PCCA: variants seen among roughly 807,000 people sequenced by gnomAD.
PCCA encodes propionyl-CoA carboxylase alpha chain, mitochondrial.
In PCCA, 74 loss-of-function variants were observed where a neutral mutation model predicts 101.3. The ratio of observed to expected loss-of-function variants is 0.73; its 90% confidence interval spans 0.61 to 0.89. The LOEUF (loss-of-function observed/expected upper bound fraction) is 0.89, where lower values mean the gene tolerates loss of function less well. Ranked by LOEUF, PCCA falls within the 40% of genes least tolerant of loss-of-function variation. The pLI is 0.00. For missense variants in PCCA, 891 were observed against 907.0 expected, an observed-to-expected ratio of 0.98 and a Z score of 0.23; for synonymous variants, 294 against 313.6, an observed-to-expected ratio of 0.94 and a Z score of 0.66.
chr13:100,417,151 G>A (rs1157744912), intron 19 of PCCA, among the ~76,000 whole-genome samples: 1 of 152,206 alleles, frequency 6.6e-6, no homozygotes, highest in African/African-American at 2.4e-5. Context: ...CCTGTCATGT[G>A]TATTCTAATT....
chr13:100,411,742 C>T lies in PCCA; in HGVS notation c.1747-13891C>T, dbSNP rs537239436. Among the ~76,000 whole-genome samples the T allele has an allele frequency of 7.2e-5, 11 of 152,282 alleles. No individual in the cohort carries two copies. The South Asian group carries it at 2.3e-3, about 32-fold the overall frequency. ...GGCCATCTTTCTTGCTGTGTTCATTCATGGCTGAGAGCAGAGGGAGAGGAA... is the reference window on the plus strand; with the variant it reads ...GGCCATCTTTCTTGCTGTGTTCATTTATGGCTGAGAGCAGAGGGAGAGGAA... On this transcript the variant is annotated intron_variant, in intron 19 of 23. Transcript: ENST00000376285.
chr13:100,396,563 C>T (rs1181727163), intron 19 of PCCA, among the ~76,000 whole-genome samples: 3 of 152,304 alleles, frequency 2.0e-5, no homozygotes, highest in Admixed American at 6.5e-5. Context: ...GCCACAGTGG[C>T]CCAGGCCTGT....
At chr13:100,454,136 A>C (rs968790914) in intron 21 of PCCA, among the ~76,000 whole-genome samples, 21 of 152,084 alleles carry the variant, frequency 1.4e-4, no homozygotes, top group Admixed American at 1.1e-3. Flanking sequence ...AGCTTCCCAA[A>C]GTGCTGGGAT....
Position 100,430,694 on chromosome 13 carries a change from C to G in PCCA, c.1845+4963C>G, listed in dbSNP as rs9557433. On this transcript the variant is annotated intron_variant, in intron 20 of 23. Coordinates refer to ENST00000376285, the MANE Select transcript of PCCA (RefSeq NM_000282.4). ...GATGCTTGTATGAACACCCTACTTC[C>G]TGTTTCCTCTTGACATAGGAGGTTC... Among the ~76,000 whole-genome samples, 645 of 152,268 alleles carry G rather than the reference C, an allele frequency of 4.2e-3. 31 individuals carry two copies. In the East Asian group the frequency reaches 0.095, roughly 22 times the overall value.
intron 21 of PCCA, among the ~76,000 whole-genome samples, chr13:100,475,159 T>G (rs7997932): frequency 0.1 from 15,921 of 152,204 alleles, 1,399 homozygotes; most frequent in African/African-American, 0.24. Context: ...GTGGTCCTCC[T>G]GCTTCAGCCT....
At chr13:100,528,905 G>A (rs1364205184) in intron 23 of PCCA, among the ~76,000 whole-genome samples, 3 of 152,188 alleles carry the variant, frequency 2.0e-5, no homozygotes, top group Admixed American at 6.5e-5. Flanking sequence ...GTGGGGGACC[G>A]AGAACGTGTG....
At chr13:100,111,274 A>C (rs1246210015) in intron 2 of PCCA, among the ~76,000 whole-genome samples, 2 of 137,978 alleles carry the variant, frequency 1.4e-5, no homozygotes, top group Non-Finnish European at 3.0e-5. Flanking sequence ...CTCGTGATCC[A>C]CCCACCTTGG....
chr13:100,237,759 C>T (rs2060886482), intron 8 of PCCA, among the ~76,000 whole-genome samples: 1 of 151,712 alleles, frequency 6.6e-6, no homozygotes. Context: ...ACATAAAGGA[C>T]AATATTTAGA....
At chr13:100,235,386 C>T (rs675342) in intron 7 of PCCA, among the ~76,000 whole-genome samples, 76,686 of 151,720 alleles carry the variant, frequency 0.51, 19,822 homozygotes, top group East Asian at 0.71. Context: ...AATTAACTTT[C>T]ATATTTCTGC....
At chr13:100,494,732 T>C (rs1414511818) in intron 21 of PCCA, among the ~76,000 whole-genome samples, 5 of 152,092 alleles carry the variant, frequency 3.3e-5, no homozygotes, top group Non-Finnish European at 2.9e-5. Context: ...TGACAAGTGC[T>C]TCTTGCCTTA....
chr13:100,407,581 CA>C (rs2077759134), intron 19 of PCCA, among the ~76,000 whole-genome samples: 1 of 152,146 alleles, frequency 6.6e-6, no homozygotes, highest in Non-Finnish European at 1.5e-5. Flanking sequence ...ACAGAAAAAC[CA>C]TATTATACCT....
chr13:100,304,004 T>A (rs1213737679), intron 14 of PCCA, among the ~76,000 whole-genome samples: 1 of 152,248 alleles, frequency 6.6e-6, no homozygotes, highest in African/African-American at 2.4e-5. Flanking sequence ...TCATAATGAT[T>A]ACTCTAGTTG....
rs534361898 is a variant in PCCA, at chr13:100,469,211, C to CAAAAAAAAAAAAAAAAAAAAAAAAA, written c.1899+19922_1899+19923insAAAAAAAAAAAAAAAAAAAAAAAAA. On this transcript the variant is annotated intron_variant, in intron 21 of 23. Transcript: ENST00000376285. ...GGGCAACAAGAGTGAAACTCCGTCT[C>CAAAAAAAAAAAAAAAAAAAAAAAAA]AAAAAAAAAAAAAAAAGAATCCCTT... 1.3e-3 allele frequency among the ~76,000 whole-genome samples: 82 copies of CAAAAAAAAAAAAAAAAAAAAAAAAA among 64,950 alleles called. 4 individuals carry two copies. The highest frequency in any genetic ancestry group is 8.2e-3 in the Middle Eastern group (1 of 122). The allele number at this position is 64,950 out of a possible 152,430, so 42.6% of individuals were successfully genotyped here.
At chr13:100,117,953 A>G (rs1041274422) in intron 4 of PCCA, among the ~76,000 whole-genome samples, 1 of 151,786 alleles carries the variant, frequency 6.6e-6, no homozygotes, top group African/African-American at 2.4e-5. Context: ...TGTCTCTACT[A>G]AAAATACAAA....
chr13:100,220,402 T>A (rs1476717046), intron 7 of PCCA, among the ~76,000 whole-genome samples: 1 of 151,286 alleles, frequency 6.6e-6, no homozygotes. Flanking sequence ...TGGGACCACA[T>A]GTCTGAGCCA....
At chr13:100,477,937 A>C (rs2083543865) in intron 21 of PCCA, among the ~76,000 whole-genome samples, 1 of 152,200 alleles carries the variant, frequency 6.6e-6, no homozygotes, top group Admixed American at 6.5e-5. Context: ...GCACCTGACA[A>C]GGCCTGTGGC....
At chr13:100,103,118 T>C (rs541499303) in intron 2 of PCCA, among the ~76,000 whole-genome samples, 158 bp downstream of exon 2, 24 of 152,340 alleles carry the variant, frequency 1.6e-4, no homozygotes, top group Admixed American at 1.4e-3. Context: ...GCTCAGTCTT[T>C]AGGTATTCTG....
At chr13:100,429,828 A>G (rs1240122741) in intron 20 of PCCA, among the ~76,000 whole-genome samples, 1 of 150,288 alleles carries the variant, frequency 6.7e-6, no homozygotes, top group Non-Finnish European at 1.5e-5. Context: ...GCTGGTCTCG[A>G]ACTCCTGACC....
At chr13:100,401,353 C>T (rs945405191) in intron 19 of PCCA, among the ~76,000 whole-genome samples, 3 of 152,088 alleles carry the variant, frequency 2.0e-5, no homozygotes, top group Non-Finnish European at 4.4e-5. Context: ...AAGCGATTCT[C>T]CTGCTTCAGC....
Sources: gnomAD v4.1 joint callset for allele counts (sites outside exome capture counted in the v4.1 genomes callset) on GRCh38, gnomAD v4.1.1 for gene constraint, MANE v1.5 for transcripts, NCBI Gene and HGNC (gene_info 2026-07-23, HGNC 2026-07-21) for gene names.